The following FGF12 variants were observed in gnomAD, a reference collection of about 807,000 sequenced individuals.
The protein encoded by FGF12 is fibroblast growth factor 12B.
Under a neutral mutation model 23.6 loss-of-function variants are expected in FGF12, and 14 were observed. The observed-to-expected ratio is 0.59, with a 90% CI of 0.39 to 0.93. The LOEUF (loss-of-function observed/expected upper bound fraction) is 0.93, where lower values mean the gene tolerates loss of function less well. Among genes scored for constraint, FGF12 ranks in the 40% least tolerant of loss-of-function variants. The pLI, the probability that FGF12 is intolerant of heterozygous loss-of-function variation, is 0.00. For synonymous variants in FGF12, 62 were observed against 77.3 expected (o/e 0.80, Z 1.04); for missense variants, 175 against 217.8 (o/e 0.80, Z 1.24).
chr3:192,370,867 C>T (rs1281523241), intron 2 of FGF12, among the ~76,000 whole-genome samples: 1 of 152,182 alleles, frequency 6.6e-6, no homozygotes, highest in Admixed American at 6.5e-5. Flanking sequence ...ATCCAAATCC[C>T]AAATCCGAAT....
At chr3:192,166,040 G>A (rs1715144239) in intron 5 of FGF12, among the ~76,000 whole-genome samples, 2 of 152,216 alleles carry the variant, frequency 1.3e-5, no homozygotes, top group Non-Finnish European at 2.9e-5. Flanking sequence ...AGTAAGACTA[G>A]TAATAGCAGT....
At chr3:192,610,750 A>G (rs1003950592) in intron 2 of FGF12, among the ~76,000 whole-genome samples, 1 of 151,946 alleles carries the variant, frequency 6.6e-6, no homozygotes, top group African/African-American at 2.4e-5. Context: ...TTCTTTGACT[A>G]TCTCTTACTC....
intron 2 of FGF12, among the ~76,000 whole-genome samples, chr3:192,455,527 C>A (rs1449982599): frequency 2.0e-5 from 3 of 152,182 alleles, no homozygotes; most frequent in Non-Finnish European, 2.9e-5. Context: ...CTTCTGCACA[C>A]AGGATCTCTT....
chr3:192,578,798 G>T (rs1481931069), intron 2 of FGF12, among the ~76,000 whole-genome samples: 1 of 152,188 alleles, frequency 6.6e-6, no homozygotes, highest in East Asian at 1.9e-4. Context: ...ATGATTTGCG[G>T]ATTTGATTTT....
intron 4 of FGF12, among the ~76,000 whole-genome samples, chr3:192,308,623 T>A (rs1193203459): frequency 6.6e-6 from 1 of 151,350 alleles, no homozygotes; most frequent in Admixed American, 6.6e-5. Context: ...GAGGTTGCAG[T>A]GAGCCGAGAT....
At chr3:192,694,920 GT>G (rs1487953920) in intron 2 of FGF12, among the ~76,000 whole-genome samples, 2 of 152,034 alleles carry the variant, frequency 1.3e-5, no homozygotes, top group African/African-American at 4.8e-5. Context: ...AAGAGTTGCA[GT>G]TGTGTAGGAT....
At chr3:192,727,112 C>G (rs1387723589) in intron 2 of FGF12, 69 bp downstream of exon 2, 1 of 1,542,278 alleles carries the variant, frequency 6.5e-7, no homozygotes, top group Admixed American at 1.9e-5. Context: ...ACTGCAGTCC[C>G]CTCGCCGAGG....
chr3:192,670,581 T>C (rs553327293), intron 2 of FGF12, among the ~76,000 whole-genome samples: 2 of 152,266 alleles, frequency 1.3e-5, no homozygotes, highest in African/African-American at 2.4e-5. Context: ...CATGTATCCA[T>C]TGGGATAGAT....
At position 192,360,744 on chromosome 3, in the gene FGF12, C is replaced by T. The variant is rs1451033916; in HGVS notation, c.14-206G>A. 1 of 557,410 alleles carries T rather than the reference C, an allele frequency of 1.8e-6. No homozygotes were observed. Among genetic ancestry groups the T allele is most frequent in the African/African-American group, 1.9e-5 (1 of 52,736 alleles). The allele number at this position is 557,410 out of a possible 1,614,324, so 34.5% of individuals were successfully genotyped here. A position where few individuals can be genotyped will look rare whatever the true frequency, so the allele number is the denominator to read the frequency against. ...GAGCTTTAACACTTTTAGCAGTAAACTAAATGCAAATAAATAAAAGCTAAT... is the reference window on the plus strand; with the variant it reads ...GAGCTTTAACACTTTTAGCAGTAAATTAAATGCAAATAAATAAAAGCTAAT... On this transcript the variant is annotated intron_variant, in intron 2 of 5. Coordinates refer to ENST00000445105, the MANE Select transcript of FGF12 (RefSeq NM_004113.6). This position sits in a 1 kb window ranked among gnomAD's most constrained non-coding sequence, Gnocchi z 4.3.
Position 192,657,250 on chromosome 3 carries a change from T to A in FGF12, c.13+69931A>T, listed in dbSNP as rs185420788. Among the ~76,000 whole-genome samples the A allele has an allele frequency of 9.8e-5, 15 of 152,310 alleles. No individual in the cohort carries two copies. In the East Asian group the frequency reaches 2.9e-3, roughly 29 times the overall value. The stretch of plus-strand genomic sequence containing the variant: ...CCTTAACATGTCAGGGCGGTTATGA[T>A]GAATATCCACATTGTTCTGTATTAG... On this transcript the variant is annotated intron_variant, in intron 2 of 5. Transcript: ENST00000445105.
At chr3:192,594,753 C>T (rs1000265556) in intron 2 of FGF12, among the ~76,000 whole-genome samples, 23 of 151,854 alleles carry the variant, frequency 1.5e-4, no homozygotes, top group Non-Finnish European at 1.5e-5. Context: ...GTTATGATGC[C>T]GTAAGAAGGT....
At chr3:192,150,635 G>A (rs2108586071) in intron 5 of FGF12, among the ~76,000 whole-genome samples, 1 of 149,710 alleles carries the variant, frequency 6.7e-6, no homozygotes, top group Non-Finnish European at 1.5e-5. Flanking sequence ...TAGGTATGCG[G>A]CATTATTTCT....
chr3:192,594,685 C>G (rs1441843499), intron 2 of FGF12, among the ~76,000 whole-genome samples: 1 of 151,762 alleles, frequency 6.6e-6, no homozygotes, highest in African/African-American at 2.4e-5. Context: ...ATAAGAAGAG[C>G]AAGAGAGTCC....
chr3:192,177,585 A>T (rs1340166625), intron 4 of FGF12, among the ~76,000 whole-genome samples: 2 of 152,236 alleles, frequency 1.3e-5, no homozygotes, highest in African/African-American at 2.4e-5. Context: ...CTCTTTGCAG[A>T]TCCCTGTTTC....
intron 2 of FGF12, among the ~76,000 whole-genome samples, chr3:192,498,350 T>C (rs1724023600): frequency 6.6e-6 from 1 of 152,246 alleles, no homozygotes; most frequent in Non-Finnish European, 1.5e-5. Flanking sequence ...TAATCACTAG[T>C]GCTTAAGTGA....
At position 192,338,729 on chromosome 3, in the gene FGF12, G is replaced by A. The variant is rs192209890; in HGVS notation, c.125-3265C>T. Among the ~76,000 whole-genome samples, 58 of 152,306 alleles carry A rather than the reference G, an allele frequency of 3.8e-4. No homozygotes were observed. In the East Asian group the frequency reaches 5.4e-3, roughly 14 times the overall value. On this transcript the variant is annotated intron_variant, in intron 3 of 5. Coordinates refer to ENST00000445105, the MANE Select transcript of FGF12 (RefSeq NM_004113.6). ...TCAATTACCCAGGTCTGGCTTTTAC[G>A]TGAGAAAATAAGTCCTTGTTCTCTT...
At chr3:192,496,465 A>G (rs528297146) in intron 2 of FGF12, among the ~76,000 whole-genome samples, 7 of 152,280 alleles carry the variant, frequency 4.6e-5, no homozygotes, top group Admixed American at 4.6e-4. Context: ...TTCCTGCAAC[A>G]TCAGCTTTCC....
At chr3:192,461,039 T>C (rs1722847673) in intron 2 of FGF12, among the ~76,000 whole-genome samples, 1 of 152,216 alleles carries the variant, frequency 6.6e-6, no homozygotes, top group Non-Finnish European at 1.5e-5. Context: ...CTATAATCCA[T>C]GATCTGTTTC....
chr3:192,177,155 A>C (rs1267394182), intron 4 of FGF12, among the ~76,000 whole-genome samples: 1 of 152,214 alleles, frequency 6.6e-6, no homozygotes, highest in Admixed American at 6.5e-5. Context: ...ATTCACTGAC[A>C]ATTTTCTCCC....
Sources: allele counts gnomAD v4.1 joint callset (sites outside exome capture counted in the v4.1 genomes callset), GRCh38; gene constraint gnomAD v4.1.1; non-coding constraint Gnocchi (gnomAD v3.1); transcripts MANE v1.5; gene names NCBI Gene and HGNC (gene_info 2026-07-23, HGNC 2026-07-21).